The following HM13 variants were observed in gnomAD, a reference collection of about 807,000 sequenced individuals.
The protein encoded by HM13 is histocompatibility minor 13.
HM13 carries 18 observed loss-of-function variants against 50.0 expected under a neutral mutation model. The ratio of observed to expected loss-of-function variants is 0.36; its 90% confidence interval spans 0.25 to 0.53. The LOEUF (loss-of-function observed/expected upper bound fraction) is 0.53, where lower values mean the gene tolerates loss of function less well. HM13 is among the 20% of genes least tolerant of loss of function. HM13 has a pLI of 0.90. For synonymous variants in HM13, 197 were observed against 232.6 expected (o/e 0.85, Z 1.39); for missense variants, 393 against 552.4 (o/e 0.71, Z 2.89).
chr20:31,556,036 CTTT>C (rs561024148), intron 8 of HM13, among the ~76,000 whole-genome samples: 10 of 137,978 alleles, frequency 7.2e-5, no homozygotes, highest in Non-Finnish European at 6.2e-5. Context: ...ATTATTTCTC[CTTT>C]TTTTTTTTTT....
At position 31,538,203 on chromosome 20, in the gene HM13, C is replaced by T; in HGVS notation, c.307C>T (p.Leu103Phe). 6.2e-7 allele frequency: 1 copy of T among 1,613,832 alleles called. No individual in the cohort carries two copies. Among genetic ancestry groups the T allele is most frequent in the Non-Finnish European group, 8.5e-7 (1 of 1,179,744 alleles). The change falls in exon 3 of 13, where the codon CTC becomes TTC. Residue 103 changes from leucine (L) to phenylalanine (F), a missense_variant. Leu to Phe is a conservative substitution (Grantham distance 22, BLOSUM62 0). Around this residue, in one of 3 missense-constraint regions of HM13, gnomAD observed 214 missense variants for 276.1 expected, o/e 0.77. Coordinates refer to ENST00000398174, the MANE Select transcript of HM13 (RefSeq NM_178581.3). ...FKIFSQEYIN[L>F]LLSMYFFVLG... ...GATATTCTCCCAGGAGTACATCAAC[C>T]TCCTGCTGTCCATGTATTTCTTCGT...
Position 31,549,121 on chromosome 20 carries a change from A to C in HM13, c.540+7A>C. The C allele has an allele frequency of 6.2e-7, 1 of 1,613,908 alleles. No individual in the cohort carries two copies. Among genetic ancestry groups the C allele is most frequent in the South Asian group, 1.1e-5 (1 of 91,076 alleles). On this transcript the variant is annotated splice_region_variant and intron_variant, in intron 5 of 12. Transcript: ENST00000398174. ...CTGGTACCTGCTGAGGAAGGTGAGT[A>C]GTCAGGACCTGGGCAGAAGGGGAGG...
chr20:31,566,058 G>C, intron 10 of HM13, 152 bp from the exon 11 acceptor site: 2 of 523,238 alleles, frequency 3.8e-6, no homozygotes, highest in Non-Finnish European at 3.4e-6. Flanking sequence ...TGGGAGTTAG[G>C]AGCCCTGGGT....
intron 4 of HM13, among the ~76,000 whole-genome samples, chr20:31,546,691 G>T (rs1983739543): frequency 2.0e-5 from 3 of 151,586 alleles, no homozygotes; most frequent in East Asian, 3.9e-4. Flanking sequence ...GAAGGCGGAG[G>T]TTGCAGTGAG....
chr20:31,547,691 C>G (rs2122619093), intron 4 of HM13: 1 of 1,370,250 alleles, frequency 7.3e-7, no homozygotes, highest in African/African-American at 1.5e-5. Context: ...GAAATCCTTA[C>G]CGTAAGTGGG....
chr20:31,565,192 C>CTT (rs1382857494), intron 10 of HM13, among the ~76,000 whole-genome samples: 1 of 149,134 alleles, frequency 6.7e-6, no homozygotes, highest in Non-Finnish European at 1.5e-5. Flanking sequence ...GAAAGAAACT[C>CTT]TTTGGGCTGG....
chr20:31,528,593 C>T (rs1402945249), intron 2 of HM13, among the ~76,000 whole-genome samples: 1 of 152,228 alleles, frequency 6.6e-6, no homozygotes, highest in Admixed American at 6.5e-5. Context: ...GTTCTCCTGC[C>T]TCAGCCAGCT....
intron 1 of HM13, among the ~76,000 whole-genome samples, chr20:31,519,873 C>G (rs990188669): frequency 7.2e-6 from 1 of 139,190 alleles, no homozygotes; most frequent in Non-Finnish European, 1.5e-5. Context: ...GAGACAGTCT[C>G]GCTCTGTTGC....
Position 31,569,252 on chromosome 20 carries a change from C to G in HM13, c.*33C>G. Reference sequence around the variant, plus strand: ...GGTGCCCGAGCCTCTCAGGGCCAGACCAGACAGATGGGGGCTGGGCCCACA... The same window carrying G: ...GGTGCCCGAGCCTCTCAGGGCCAGAGCAGACAGATGGGGGCTGGGCCCACA... On this transcript the variant is annotated 3_prime_UTR_variant, in exon 13 of 13. Coordinates refer to ENST00000398174, the MANE Select transcript of HM13 (RefSeq NM_178581.3). 1 of 1,419,268 alleles carries G rather than the reference C, an allele frequency of 7.0e-7. No individual in the cohort carries two copies. Among genetic ancestry groups the G allele is most frequent in the Non-Finnish European group, 9.8e-7 (1 of 1,024,750 alleles). The allele number at this position is 1,419,268 out of a possible 1,614,324, so 87.9% of individuals were successfully genotyped here.
At chr20:31,518,807 CTG>C (rs1266772422) in intron 1 of HM13, among the ~76,000 whole-genome samples, 1 of 151,874 alleles carries the variant, frequency 6.6e-6, no homozygotes, top group Non-Finnish European at 1.5e-5. Context: ...GCAGTGAGCC[CTG>C]ATTGCACCAC....
chr20:31,556,712 G>A (rs1030570271), intron 8 of HM13, among the ~76,000 whole-genome samples: 3 of 152,130 alleles, frequency 2.0e-5, no homozygotes, highest in African/African-American at 7.2e-5. Context: ...AGCACCTGTC[G>A]TGTACCAAGA....
Position 31,549,123 on chromosome 20 carries a change from T to A in HM13, c.540+9T>A. 1 of 1,613,814 alleles carries A rather than the reference T, an allele frequency of 6.2e-7. No individual in the cohort carries two copies. Among genetic ancestry groups the A allele is most frequent in the African/African-American group, 1.3e-5 (1 of 75,014 alleles). On this transcript the variant is annotated intron_variant, in intron 5 of 12. Transcript: ENST00000398174. ...GGTACCTGCTGAGGAAGGTGAGTAG[T>A]CAGGACCTGGGCAGAAGGGGAGGAT... is the stretch of plus-strand genomic sequence containing the variant.
intron 4 of HM13, chr20:31,548,066 AT>A: frequency 6.7e-7 from 1 of 1,482,224 alleles, no homozygotes; most frequent in Non-Finnish European, 9.4e-7. Context: ...GAAGGAATGC[AT>A]TTGGGGGGCT....
chr20:31,543,977 C>T (rs1983585620), intron 3 of HM13, among the ~76,000 whole-genome samples: 1 of 152,130 alleles, frequency 6.6e-6, no homozygotes, highest in Non-Finnish European at 1.5e-5. Context: ...ATCACTGTGA[C>T]CTGGGTACCT....
At chr20:31,557,368 T>G (rs1396141490) in intron 8 of HM13, among the ~76,000 whole-genome samples, 3 of 152,228 alleles carry the variant, frequency 2.0e-5, no homozygotes, top group African/African-American at 7.2e-5. Context: ...ACAGGACATC[T>G]CGGCATATCT....
intron 10 of HM13, chr20:31,563,173 C>T (rs1359077958): frequency 3.9e-5 from 6 of 152,496 alleles, no homozygotes; most frequent in South Asian, 2.1e-4. Flanking sequence ...TAATGAACTC[C>T]TGAACCCTGC....
chr20:31,544,886 G>A (rs1451935910), intron 3 of HM13, 61 bp from the exon 4 acceptor site: 2 of 1,324,500 alleles, frequency 1.5e-6, no homozygotes, highest in Non-Finnish European at 2.2e-6. Flanking sequence ...GGGCAGGGGT[G>A]TGTTAAGGCT....
At chr20:31,517,340 C>G (rs1281459287) in intron 1 of HM13, among the ~76,000 whole-genome samples, 3 of 152,128 alleles carry the variant, frequency 2.0e-5, no homozygotes, top group African/African-American at 7.2e-5. Flanking sequence ...AGAGCAGCAC[C>G]CATCACTGTC....
Position 31,544,752 on chromosome 20 carries a change from A to G in HM13, c.366-195A>G, listed in dbSNP as rs1983618493. Among the ~76,000 whole-genome samples, 3 of 152,244 alleles carry G rather than the reference A, an allele frequency of 2.0e-5. No individual in the cohort carries two copies. In the South Asian group the frequency reaches 6.2e-4, roughly 31 times the overall value. ...CCTAGGTTTGAGTCTTAGCTGAGAT[A>G]TAGGACCCCTGTGTGACTCTGGGCA... On this transcript the variant is annotated intron_variant, in intron 3 of 12. Coordinates refer to ENST00000398174, the MANE Select transcript of HM13 (RefSeq NM_178581.3).
Sources: allele counts gnomAD v4.1 joint callset (sites outside exome capture counted in the v4.1 genomes callset), GRCh38; gene constraint gnomAD v4.1.1; regional missense constraint gnomAD v4.1.1; transcripts MANE v1.5; gene names NCBI Gene and HGNC (gene_info 2026-07-23, HGNC 2026-07-21).